Variants in CEP152 observed in about 807,000 individuals in gnomAD.
CEP152 encodes the protein centrosomal protein 152.
Under a neutral mutation model 188.9 loss-of-function variants are expected in CEP152, and 132 were observed. The ratio of observed to expected loss-of-function variants is 0.70; its 90% CI spans 0.61 to 0.81. CEP152 has a LOEUF of 0.81. Among genes scored for constraint, CEP152 ranks in the 30% least tolerant of loss-of-function variants. The pLI is 0.00. For missense variants in CEP152, 1,914 were observed against 1,969.8 expected (o/e 0.97, Z 0.54); for synonymous variants, 649 against 666.6 (o/e 0.97, Z 0.41).
chr15:48,760,085 G>T, intron 19 of CEP152, 50 bp downstream of exon 19: 3 of 1,612,200 alleles, frequency 1.9e-6, no homozygotes, highest in Non-Finnish European at 2.5e-6. Context: ...GATAAGAGAA[G>T]GGGTCAGGTA....
At chr15:48,742,446 C>T (rs1249580425) in intron 24 of CEP152, among the ~76,000 whole-genome samples, 2 of 151,752 alleles carry the variant, frequency 1.3e-5, no homozygotes, top group Admixed American at 6.6e-5. Context: ...ACATTATGTC[C>T]AGTTAGGAAA....
At chr15:48,739,757 CT>C (rs1253634131) in intron 26 of CEP152, among the ~76,000 whole-genome samples, 5 of 152,152 alleles carry the variant, frequency 3.3e-5, no homozygotes, top group Admixed American at 3.3e-4. Context: ...GACACTAAAT[CT>C]GATCAAAGAC....
At chr15:48,805,200 A>C (rs547414278) in intron 2 of CEP152, among the ~76,000 whole-genome samples, 1 of 152,150 alleles carries the variant, frequency 6.6e-6, no homozygotes, top group East Asian at 1.9e-4. Context: ...GTCTGCCTCC[A>C]CTAGGATGTA....
At chr15:48,740,615 C>CTTTTTTTTTT (rs1225249199) in intron 26 of CEP152, 1 of 68,848 alleles carries the variant, frequency 1.5e-5, no homozygotes, top group African/African-American at 7.0e-5. Flanking sequence ...GTTACTCTTA[C>CTTTTTTTTTT]TTTTTTTTTT....
intron 21 of CEP152, among the ~76,000 whole-genome samples, chr15:48,751,946 A>C (rs1035097482): frequency 4.6e-5 from 7 of 152,236 alleles, no homozygotes; most frequent in African/African-American, 7.2e-5. Context: ...AAAAACTCAC[A>C]AATCAATTAG....
At chr15:48,800,725 G>A (rs142112883) in intron 2 of CEP152, among the ~76,000 whole-genome samples, 29 of 152,200 alleles carry the variant, frequency 1.9e-4, no homozygotes, top group Middle Eastern at 6.8e-3. Flanking sequence ...TGTATTAACC[G>A]AGTTTAAAAA....
In CEP152 at chr15:48,754,833, T is replaced by C. The variant is rs1216731624; in HGVS notation, c.3345+1070A>G. ...TGAGCAACTATGTGATTGCCCAATA[T>C]AATAATCTAGTTATCATCGAATATG... On this transcript the variant is annotated intron_variant, in intron 20 of 26. Transcript: ENST00000380950. Among the ~76,000 whole-genome samples, 4 of 152,324 alleles carry C rather than the reference T, an allele frequency of 2.6e-5. No individual in the cohort carries two copies. The East Asian group carries it at 7.7e-4, about 29-fold the overall frequency.
Position 48,797,140 on chromosome 15 carries a change from C to A in CEP152, c.540+161G>T, listed in dbSNP as rs560921784. ...GTATTAGACTGTAAACAGAAAATAC[C>A]ATGACTAATTCACCATGAACCTGAA... On this transcript the variant is annotated intron_variant, in intron 5 of 26. Transcript: ENST00000380950. Among the ~76,000 whole-genome samples the A allele has an allele frequency of 2.0e-5, 3 of 152,300 alleles. No individual in the cohort carries two copies. In the East Asian group the frequency reaches 5.8e-4, roughly 29 times the overall value.
chr15:48,736,658 G>GA (rs1183678658), downstream of CEP152, among the ~76,000 whole-genome samples: 1 of 152,110 alleles, frequency 6.6e-6, no homozygotes, highest in Non-Finnish European at 1.5e-5. Flanking sequence ...CAACCAATTG[G>GA]ATATAGGATG....
At position 48,791,333 on chromosome 15, in the gene CEP152, T is replaced by C; in HGVS notation, c.876A>G (p.Lys292=). 2 of 1,612,646 alleles carry C rather than the reference T, an allele frequency of 1.2e-6. No individual in the cohort carries two copies. Among genetic ancestry groups the C allele is most frequent in the South Asian group, 2.2e-5 (2 of 91,064 alleles). ...GLTLSLRESQ[K]LFQNGKEREI... is the part of the protein sequence containing the mutation. ...CTCTTTCTTTTCCATTCTGAAAGAGTTTCTGTGATTCTCGAAGGCTGAGAG... is the reference window on the plus strand; with the variant it reads ...CTCTTTCTTTTCCATTCTGAAAGAGCTTCTGTGATTCTCGAAGGCTGAGAG... The change falls in exon 8 of 27, where the codon AAA becomes AAG. Residue 292 remains lysine (K), a synonymous_variant. Coordinates refer to ENST00000380950, the MANE Select transcript of CEP152 (RefSeq NM_001194998.2).
At chr15:48,783,943 G>T in intron 10 of CEP152, 30 bp downstream of exon 10, 1 of 1,613,010 alleles carries the variant, frequency 6.2e-7, no homozygotes. Context: ...CCAACCTTCT[G>T]GGGAGACAGT....
At position 48,788,990 on chromosome 15, in the gene CEP152, C is replaced by T; in HGVS notation, c.984G>A (p.Lys328=). 1 of 1,613,948 alleles carries T rather than the reference C, an allele frequency of 6.2e-7. No individual in the cohort carries two copies. The highest frequency in any genetic ancestry group is 1.1e-5 in the South Asian group (1 of 91,078). The stretch of plus-strand genomic sequence containing the variant: ...CCAGAGCCATTTCAGTTGTTCTGGA[C>T]TTCTTGATCATCTAGTAAATACACA... ...LKVNEEQMIK[K]SRTTEMALES... is the part of the protein sequence containing the mutation. Residue 328 remains lysine, a synonymous_variant, in exon 9 of 27, where the codon AAG becomes AAA. Coordinates refer to ENST00000380950, the MANE Select transcript of CEP152 (RefSeq NM_001194998.2).
intron 17 of CEP152, among the ~76,000 whole-genome samples, chr15:48,763,431 T>C (rs542343549): frequency 2.6e-5 from 4 of 152,278 alleles, no homozygotes; most frequent in African/African-American, 9.6e-5. Context: ...CCCAGCACTT[T>C]GGGAGGCTGA....
chr15:48,783,958 C>A lies in CEP152; in HGVS notation c.1321+15G>T, dbSNP rs758048743. Reference sequence around the variant, plus strand: ...CCAACCTTCTGGGGAGACAGTGGACCTACCAGACACCTACCGGACTGCAAC... The same window carrying A: ...CCAACCTTCTGGGGAGACAGTGGACATACCAGACACCTACCGGACTGCAAC... On this transcript the variant is annotated intron_variant, in intron 10 of 26. Transcript: ENST00000380950. 4 of 1,613,396 alleles carry A rather than the reference C, an allele frequency of 2.5e-6. No homozygotes were observed. Among genetic ancestry groups the A allele is most frequent in the Non-Finnish European group, 3.4e-6 (4 of 1,179,768 alleles).
rs566002829 is a variant in CEP152, at chr15:48,768,345, A to C, written c.1909-17T>G. On this transcript the variant is annotated splice_polypyrimidine_tract_variant and intron_variant, in intron 14 of 26. Transcript: ENST00000380950. ...TTTAAGTTCCTAGACACAAAAGAAT[A>C]AACTTAGTACTTACAGAAAATAAAC... 4.3e-5 allele frequency: 58 copies of C among 1,339,486 alleles called. 1 individual carries two copies. The South Asian group carries it at 6.6e-4, about 15-fold the overall frequency. 83.0% of individuals were successfully genotyped at this position (1,339,486 alleles called of 1,614,324 possible).
At chr15:48,747,685 A>C (rs532134174) in intron 22 of CEP152, among the ~76,000 whole-genome samples, 6 of 152,300 alleles carry the variant, frequency 3.9e-5, no homozygotes, top group African/African-American at 1.4e-4. Flanking sequence ...CAGTAAAAGA[A>C]ATAGGACCAG....
chr15:48,755,406 T>G (rs571886234), intron 20 of CEP152, among the ~76,000 whole-genome samples: 2 of 152,298 alleles, frequency 1.3e-5, no homozygotes, highest in Non-Finnish European at 2.9e-5. Context: ...GAAACTCTTA[T>G]TATGCATATT....
chr15:48,794,973 C>G (rs112818064), intron 6 of CEP152, among the ~76,000 whole-genome samples: 119 of 152,340 alleles, frequency 7.8e-4, no homozygotes, highest in African/African-American at 2.7e-3. Context: ...GTCCAGTTTT[C>G]TCTTTGGTAT....
chr15:48,791,858 AAC>A (rs1260906163), intron 7 of CEP152, among the ~76,000 whole-genome samples: 1 of 152,008 alleles, frequency 6.6e-6, no homozygotes, highest in African/African-American at 2.4e-5. Flanking sequence ...TAAAAAAAAA[AAC>A]AAACCTGATA....
Sources: gnomAD v4.1 joint callset for allele counts (sites outside exome capture counted in the v4.1 genomes callset) on GRCh38, gnomAD v4.1.1 for gene constraint, MANE v1.5 for transcripts, NCBI Gene and HGNC (gene_info 2026-07-23, HGNC 2026-07-21) for gene names.